The following IL4R variants were observed in gnomAD, a reference collection of about 807,000 sequenced individuals.
IL4R encodes the protein interleukin 4 receptor, also known as interleukin-4 receptor subunit alpha.
In IL4R, 17 loss-of-function variants were observed where a neutral mutation model predicts 41.5. The observed-to-expected ratio is 0.41, with a 90% confidence interval of 0.28 to 0.61. The LOEUF (loss-of-function observed/expected upper bound fraction) is 0.61, where lower values mean the gene tolerates loss of function less well. IL4R is among the 20% of genes least tolerant of loss of function. IL4R has a pLI of 0.31. For synonymous variants in IL4R, 402 were observed against 422.9 expected (o/e 0.95, Z 0.61); for missense variants, 974 against 1,043.1 (o/e 0.93, Z 0.91).
chr16:27,318,279 C>T (rs2084705332), intron 1 of IL4R, among the ~76,000 whole-genome samples: 2 of 152,178 alleles, frequency 1.3e-5, no homozygotes. Flanking sequence ...GACCTTTCTA[C>T]AGCCTGAGTC....
intron 2 of IL4R, among the ~76,000 whole-genome samples, chr16:27,332,150 A>C (rs2141098023): frequency 6.6e-6 from 1 of 151,878 alleles, no homozygotes; most frequent in South Asian, 2.1e-4. Flanking sequence ...ACTTTTCTTT[A>C]ATTTACAATA....
intron 1 of IL4R, among the ~76,000 whole-genome samples, chr16:27,316,393 A>G (rs529656591): frequency 1.8e-4 from 27 of 152,150 alleles, no homozygotes; most frequent in Non-Finnish European, 3.2e-4. Context: ...ACATAAATAC[A>G]TGAGAAGAGA....
At chr16:27,347,977 TG>T (rs1219102358) in intron 6 of IL4R, among the ~76,000 whole-genome samples, 1 of 152,148 alleles carries the variant, frequency 6.6e-6, no homozygotes, top group African/African-American at 2.4e-5. Context: ...ATCTGCCCGC[TG>T]TCCCACACAC....
intron 6 of IL4R, among the ~76,000 whole-genome samples, chr16:27,348,057 C>G (rs1259351846): frequency 6.6e-6 from 1 of 152,258 alleles, no homozygotes; most frequent in East Asian, 1.9e-4. Context: ...CAGGCTGGGC[C>G]TGGTTGGCTC....
intron 2 of IL4R, among the ~76,000 whole-genome samples, chr16:27,335,838 T>C (rs1347569123): frequency 6.6e-6 from 1 of 152,110 alleles, no homozygotes; most frequent in East Asian, 1.9e-4. Flanking sequence ...TGATCTTGGA[T>C]TGCATCCTGG....
Position 27,363,177 on chromosome 16 carries a change from C to T in IL4R, c.1825C>T (p.Leu609=). ...GEAGYKAFSS[L]LASSAVSPEK... ...GGCTGGTTACAAGGCCTTCTCAAGC[C>T]TGCTTGCCAGCAGTGCTGTGTCCCC... is the stretch of plus-strand genomic sequence containing the variant. Residue 609 remains leucine (L), a synonymous_variant, in exon 11 of 11, where the codon CTG becomes TTG. Coordinates refer to ENST00000395762, the MANE Select transcript of IL4R (RefSeq NM_000418.4). The T allele has an allele frequency of 6.2e-7, 1 of 1,611,794 alleles. No individual in the cohort carries two copies. The highest frequency in any genetic ancestry group is 1.3e-5 in the African/African-American group (1 of 75,000).
At chr16:27,353,819 A>T (rs570858514) in intron 7 of IL4R, among the ~76,000 whole-genome samples, 1 of 152,224 alleles carries the variant, frequency 6.6e-6, no homozygotes, top group African/African-American at 2.4e-5. Context: ...TTCTTAATGG[A>T]AGGAGATGCT....
At chr16:27,350,394 A>C (rs966501860) in intron 6 of IL4R, among the ~76,000 whole-genome samples, 22 of 152,146 alleles carry the variant, frequency 1.4e-4, no homozygotes, top group African/African-American at 5.3e-4. Flanking sequence ...CTCCCTCTGT[A>C]ATAGGAAAAT....
chr16:27,345,050 C>T lies in IL4R; in HGVS notation c.361+30C>T. ...GCAGGGCGGAGTGCGGCAGGGGTGG[C>T]TGGGTGTGTTCCCACAGCTGCCTGG... On this transcript the variant is annotated intron_variant, in intron 5 of 10. Transcript: ENST00000395762. This position sits in a 1 kb window ranked among gnomAD's most constrained non-coding sequence, Gnocchi z 4.5. 1 of 1,456,116 alleles carries T rather than the reference C, an allele frequency of 6.9e-7. No individual in the cohort carries two copies. Among genetic ancestry groups the T allele is most frequent in the Non-Finnish European group, 9.2e-7 (1 of 1,084,372 alleles). The allele number at this position is 1,456,116 out of a possible 1,614,324, so 90.2% of individuals were successfully genotyped here.
rs1381164580 is a variant in IL4R, at chr16:27,345,973, AAAAAAT to A, written c.362-484_362-479del. On this transcript the variant is annotated intron_variant, in intron 5 of 10. Coordinates refer to ENST00000395762, the MANE Select transcript of IL4R (RefSeq NM_000418.4). The surrounding 1 kb of genome is among the most constrained non-coding windows in gnomAD (Gnocchi z 4.5). ...GGCGACAGAGTGAGATTACGTCTCA[AAAAAAT>A]AAAAATAAATAAAAATAAAAAGATT... Among the ~76,000 whole-genome samples, 1 of 152,178 alleles carries A rather than the reference AAAAAAT, an allele frequency of 6.6e-6. No individual in the cohort carries two copies. Among genetic ancestry groups the A allele is most frequent in the Non-Finnish European group, 1.5e-5 (1 of 68,034 alleles).
intron 4 of IL4R, among the ~76,000 whole-genome samples, chr16:27,344,364 C>CA (rs34638911): frequency 0.033 from 3,719 of 112,834 alleles, 138 homozygotes; most frequent in African/African-American, 0.096. Flanking sequence ...TACAAATAAC[C>CA]AAAAAAAAAA....
Position 27,354,706 on chromosome 16 carries a change from C to T in IL4R, c.671-1102C>T, listed in dbSNP as rs540193144. Among the ~76,000 whole-genome samples, 5 of 152,196 alleles carry T rather than the reference C, an allele frequency of 3.3e-5. No homozygotes were observed. In the East Asian group the frequency reaches 5.8e-4, roughly 18 times the overall value. ...GTATAATGGGAGGAGTAAGGGCTGT[C>T]GTAAAAACTCAATGAAAGAAGATTC... On this transcript the variant is annotated intron_variant, in intron 7 of 10. Coordinates refer to ENST00000395762, the MANE Select transcript of IL4R (RefSeq NM_000418.4).
At chr16:27,346,422 G>T in intron 5 of IL4R, 45 bp from the exon 6 acceptor site, 1 of 1,607,302 alleles carries the variant, frequency 6.2e-7, no homozygotes, top group Non-Finnish European at 8.5e-7. Flanking sequence ...GGGTGATGGG[G>T]GAGTCACTGC....
chr16:27,340,703 G>A (rs1288713828), intron 3 of IL4R, among the ~76,000 whole-genome samples: 2 of 152,088 alleles, frequency 1.3e-5, no homozygotes, highest in African/African-American at 4.8e-5. Context: ...GCCTGCGTGA[G>A]AAAGTGAGAC....
rs1242852034 is a variant in IL4R at position 27,345,637 on chromosome 16, CA to C, written c.361+618del. On this transcript the variant is annotated intron_variant, in intron 5 of 10. Transcript: ENST00000395762. This position sits in a 1 kb window ranked among gnomAD's most constrained non-coding sequence, Gnocchi z 4.5. ...ATACTCAGTAAATCATCATAAAGTA[CA>C]GAGATGTGGCCAAAGGTGTGAAGGA... 5.7e-6 allele frequency: 1 copy of C among 174,608 alleles called. No individual in the cohort carries two copies. The highest frequency in any genetic ancestry group is 2.4e-5 in the African/African-American group (1 of 42,168). 10.8% of individuals were successfully genotyped at this position (174,608 alleles called of 1,614,324 possible).
intron 8 of IL4R, among the ~76,000 whole-genome samples, chr16:27,357,429 G>C (rs1003512728): frequency 6.6e-6 from 1 of 152,060 alleles, no homozygotes; most frequent in South Asian, 2.1e-4. Context: ...ACAGGCGCTT[G>C]CCACCACACC....
intron 2 of IL4R, among the ~76,000 whole-genome samples, chr16:27,336,919 A>G (rs151283592): frequency 6.6e-6 from 1 of 151,998 alleles, no homozygotes; most frequent in East Asian, 1.9e-4. Context: ...TCTCTACTAA[A>G]AATACAAAAT....
chr16:27,333,605 A>G (rs951803650), intron 2 of IL4R, among the ~76,000 whole-genome samples: 5 of 150,756 alleles, frequency 3.3e-5, no homozygotes, highest in Non-Finnish European at 4.4e-5. Flanking sequence ...CGGTGAGGTA[A>G]TACTTCTAAA....
chr16:27,342,256 C>T lies in IL4R; in HGVS notation c.206C>T (p.Ser69Phe), dbSNP rs2085466892. The T allele has an allele frequency of 7.4e-6, 12 of 1,614,196 alleles. No individual in the cohort carries two copies. Among genetic ancestry groups the T allele is most frequent in the East Asian group, 6.7e-5 (3 of 44,888 alleles). The change falls in exon 4 of 11, where the codon TCC (serine) becomes TTC (phenylalanine). Residue 69 changes from serine (S) to phenylalanine (F), a missense_variant. This residue lies in a region of IL4R where 284 missense variants were observed against 313.4 expected (regional missense o/e 0.91). Coordinates refer to ENST00000395762, the MANE Select transcript of IL4R (RefSeq NM_000418.4). Reference sequence around the variant, plus strand: ...TTGTACCAGCTGGTTTTTCTGCTCTCCGAGTAAGCCTGCGCTGGAGCTGGA... The same window carrying T: ...TTGTACCAGCTGGTTTTTCTGCTCTTCGAGTAAGCCTGCGCTGGAGCTGGA... Reference protein sequence around the residue: ...RLLYQLVFLLSEAHTCIPENN... With the variant: ...RLLYQLVFLLFEAHTCIPENN...
Sources: gnomAD v4.1 joint callset for allele counts (sites outside exome capture counted in the v4.1 genomes callset) on GRCh38, gnomAD v4.1.1 for gene constraint, gnomAD v4.1.1 regional missense constraint, Gnocchi (gnomAD v3.1) non-coding constraint, MANE v1.5 for transcripts, NCBI Gene and HGNC (gene_info 2026-07-23, HGNC 2026-07-21) for gene names.